The following HS3ST5 variants were observed in gnomAD, a reference collection of about 807,000 sequenced individuals.
The protein encoded by HS3ST5 is heparan sulfate-glucosamine 3-sulfotransferase 5.
A neutral mutation model predicts 25.4 loss-of-function variants in HS3ST5; 10 were observed. The ratio of observed to expected loss-of-function variants is 0.39; its 90% confidence interval spans 0.24 to 0.67. HS3ST5 has a LOEUF of 0.67. Ranked by LOEUF, HS3ST5 falls within the 30% of genes least tolerant of loss-of-function variation. HS3ST5 has a pLI of 0.44. For synonymous variants in HS3ST5, 170 were observed against 162.4 expected, an observed-to-expected ratio of 1.05 and a Z score of -0.36; for missense variants, 324 against 420.7, an observed-to-expected ratio of 0.77 and a Z score of 2.01.
At chr6:114,247,389 A>G (rs973163867) in intron 1 of HS3ST5, among the ~76,000 whole-genome samples, 2 of 152,210 alleles carry the variant, frequency 1.3e-5, no homozygotes, top group African/African-American at 2.4e-5. Context: ...AAACCGGAAA[A>G]TTGCATCTTT....
chr6:114,092,500 T>G (rs1388108665), intron 3 of HS3ST5, among the ~76,000 whole-genome samples: 1 of 152,148 alleles, frequency 6.6e-6, no homozygotes, highest in East Asian at 1.9e-4. Flanking sequence ...GCAGGTTTTA[T>G]GGATCACAAG....
At chr6:114,216,217 A>G (rs761265234) in intron 2 of HS3ST5, among the ~76,000 whole-genome samples, 1 of 152,234 alleles carries the variant, frequency 6.6e-6, no homozygotes, top group Non-Finnish European at 1.5e-5. Flanking sequence ...TAACAAATAA[A>G]GCTGAATGCA....
chr6:114,065,322 A>G (rs1038247603), intron 3 of HS3ST5, among the ~76,000 whole-genome samples: 3 of 152,346 alleles, frequency 2.0e-5, no homozygotes, highest in Non-Finnish European at 2.9e-5. Flanking sequence ...GAAAGAACCA[A>G]TCTCCTGTCT....
chr6:114,076,215 C>T (rs1222640421), intron 3 of HS3ST5, among the ~76,000 whole-genome samples: 1 of 152,174 alleles, frequency 6.6e-6, no homozygotes, highest in Non-Finnish European at 1.5e-5. Flanking sequence ...CTAGGTTACC[C>T]TGCTGCTATG....
intron 3 of HS3ST5, among the ~76,000 whole-genome samples, chr6:114,109,388 A>C (rs889444294): frequency 3.3e-5 from 5 of 152,174 alleles, no homozygotes; most frequent in Non-Finnish European, 1.5e-5. Context: ...TCAGATCCAC[A>C]GCTCAGGAGC....
At chr6:114,308,974 C>G (rs1440405341) in intron 1 of HS3ST5, among the ~76,000 whole-genome samples, 1 of 152,088 alleles carries the variant, frequency 6.6e-6, no homozygotes, top group Non-Finnish European at 1.5e-5. Flanking sequence ...TAACCGGCAA[C>G]TAGGAGGCAA....
intron 3 of HS3ST5, among the ~76,000 whole-genome samples, chr6:114,079,430 A>C (rs1482750745): frequency 6.6e-6 from 1 of 152,220 alleles, no homozygotes; most frequent in Non-Finnish European, 1.5e-5. Flanking sequence ...TTCTTTGCTC[A>C]GCCATAAGAA....
chr6:114,296,182 A>C (rs1774812146), intron 1 of HS3ST5, among the ~76,000 whole-genome samples: 1 of 152,160 alleles, frequency 6.6e-6, no homozygotes, highest in African/African-American at 2.4e-5. Flanking sequence ...ATTTTTACTC[A>C]ACAAAGGCAT....
intron 2 of HS3ST5, among the ~76,000 whole-genome samples, chr6:114,215,699 T>C (rs1450040609): frequency 6.6e-6 from 1 of 152,158 alleles, no homozygotes; most frequent in Non-Finnish European, 1.5e-5. Flanking sequence ...CTCGGTGGTA[T>C]ATTCAGAATA....
At chr6:114,226,788 CAT>C (rs1319241735) in intron 2 of HS3ST5, among the ~76,000 whole-genome samples, 1 of 151,962 alleles carries the variant, frequency 6.6e-6, no homozygotes. Context: ...AACTTAAAAA[CAT>C]AGTCTGATAA....
intron 3 of HS3ST5, among the ~76,000 whole-genome samples, chr6:114,149,200 A>G (rs925371241): frequency 6.6e-6 from 1 of 152,232 alleles, no homozygotes; most frequent in Non-Finnish European, 1.5e-5. Flanking sequence ...AGAACCAGAA[A>G]TACCATTTGA....
chr6:114,187,790 T>C (rs551206945), intron 2 of HS3ST5, among the ~76,000 whole-genome samples: 2 of 152,248 alleles, frequency 1.3e-5, no homozygotes, highest in Admixed American at 1.3e-4. Flanking sequence ...GAAGAGTCGA[T>C]CGATGTGGCC....
intron 2 of HS3ST5, among the ~76,000 whole-genome samples, chr6:114,211,741 A>T (rs576438770): frequency 6.6e-6 from 1 of 152,362 alleles, no homozygotes; most frequent in South Asian, 2.1e-4. Context: ...TTATGATACT[A>T]TAGTGGAACA....
chr6:114,265,391 G>C (rs944766691), intron 1 of HS3ST5, among the ~76,000 whole-genome samples: 2 of 152,162 alleles, frequency 1.3e-5, no homozygotes, highest in African/African-American at 4.8e-5. Flanking sequence ...GGGTTAATGA[G>C]TGAATTGGAT....
intron 3 of HS3ST5, among the ~76,000 whole-genome samples, chr6:114,121,473 A>C (rs1316695888): frequency 6.6e-6 from 1 of 152,232 alleles, no homozygotes; most frequent in Non-Finnish European, 1.5e-5. Context: ...TTTCTTAATA[A>C]GCAAAAAAAG....
intron 3 of HS3ST5, among the ~76,000 whole-genome samples, chr6:114,074,817 T>C (rs1314407814): frequency 6.6e-6 from 1 of 152,118 alleles, no homozygotes; most frequent in Non-Finnish European, 1.5e-5. Context: ...TAAAATAATA[T>C]ATAATAAGCT....
intron 3 of HS3ST5, among the ~76,000 whole-genome samples, chr6:114,147,556 G>C (rs1778229526): frequency 6.6e-6 from 1 of 152,146 alleles, no homozygotes; most frequent in Non-Finnish European, 1.5e-5. Context: ...TGAATTGTTA[G>C]GTCATGAGAA....
intron 2 of HS3ST5, among the ~76,000 whole-genome samples, chr6:114,227,304 A>G (rs1381813815): frequency 6.9e-6 from 1 of 144,580 alleles, no homozygotes; most frequent in African/African-American, 2.5e-5. Context: ...AATTCTACAT[A>G]ATGTGAACAA....
At chr6:114,084,697 C>G in intron 3 of HS3ST5, 1 of 1,270,740 alleles carries the variant, frequency 7.9e-7, no homozygotes, top group Non-Finnish European at 1.1e-6. Flanking sequence ...GAAGCCGTGG[C>G]TCCTGGAAGG....
Sources: allele counts gnomAD v4.1 joint callset (sites outside exome capture counted in the v4.1 genomes callset), GRCh38; gene constraint gnomAD v4.1.1; transcripts MANE v1.5; gene names NCBI Gene and HGNC (gene_info 2026-07-23, HGNC 2026-07-21).